VWA8: variants seen among roughly 807,000 people sequenced by gnomAD.
The protein encoded by VWA8 is von Willebrand factor A domain containing 8.
VWA8 carries 221 observed loss-of-function variants against 241.5 expected under a neutral mutation model. The observed-to-expected ratio is 0.91, with a 90% CI of 0.82 to 1.02. The LOEUF (loss-of-function observed/expected upper bound fraction) is 1.02. Among genes scored for constraint, VWA8 ranks in the 50% least tolerant of loss-of-function variants. VWA8 has a pLI of 0.00. For synonymous variants in VWA8, 852 were observed against 827.1 expected, an observed-to-expected ratio of 1.03 and a Z score of -0.52; for missense variants, 2,322 against 2,328.7, an observed-to-expected ratio of 1.00 and a Z score of 0.06.
intron 21 of VWA8, among the ~76,000 whole-genome samples, chr13:41,739,839 G>GTTTTTTTTTTTTTTTTTTTT (rs1417524214): frequency 4.6e-5 from 2 of 43,586 alleles, no homozygotes; most frequent in East Asian, 7.4e-4. Flanking sequence ...TTTTTTTTTT[G>GTTTTTTTTTTTTTTTTTTTT]TTTTTTTTGT....
chr13:41,784,695 T>C (rs1566456152), intron 18 of VWA8, among the ~76,000 whole-genome samples: 2 of 57,536 alleles, frequency 3.5e-5, no homozygotes, highest in African/African-American at 6.1e-5. Flanking sequence ...CATATACATA[T>C]ACATATATAT....
intron 17 of VWA8, among the ~76,000 whole-genome samples, chr13:41,797,452 A>G (rs1190842865): frequency 1.3e-5 from 2 of 152,320 alleles, no homozygotes; most frequent in East Asian, 3.9e-4. Context: ...AGTCCATTAT[A>G]TCAAGTTTGT....
chr13:41,724,869 C>T (rs1025051414), intron 24 of VWA8, among the ~76,000 whole-genome samples: 6 of 151,854 alleles, frequency 4.0e-5, no homozygotes, highest in Admixed American at 2.0e-4. Flanking sequence ...GTTGGAGCTG[C>T]GAGGAGAGAG....
intron 34 of VWA8, among the ~76,000 whole-genome samples, chr13:41,688,034 AT>A (rs1030603261): frequency 1.1e-4 from 16 of 149,984 alleles, no homozygotes; most frequent in Admixed American, 2.7e-4. Context: ...AAAAGTCCCA[AT>A]TTTTTTTTTA....
At chr13:41,752,326 G>C (rs1045128684) in intron 21 of VWA8, among the ~76,000 whole-genome samples, 7 of 152,086 alleles carry the variant, frequency 4.6e-5, no homozygotes, top group African/African-American at 1.7e-4. Flanking sequence ...TCACAGACAT[G>C]TATTCTGAGA....
chr13:41,657,881 A>AG (rs2044920401), intron 37 of VWA8, among the ~76,000 whole-genome samples: 1 of 152,270 alleles, frequency 6.6e-6, no homozygotes, highest in African/African-American at 2.4e-5. Flanking sequence ...GTCATGAGTC[A>AG]GGATTAGAAT....
intron 4 of VWA8, among the ~76,000 whole-genome samples, chr13:41,897,768 C>T (rs1020745694): frequency 2.0e-5 from 3 of 151,974 alleles, no homozygotes; most frequent in African/African-American, 7.3e-5. Flanking sequence ...CAGTGTGGAC[C>T]CAAATAGTGG....
intron 43 of VWA8, among the ~76,000 whole-genome samples, chr13:41,571,298 CTCCCT>C (rs2044300554): frequency 6.8e-6 from 1 of 146,168 alleles, no homozygotes; most frequent in Admixed American, 6.8e-5. Flanking sequence ...CCTCTCCCGT[CTCCCT>C]CTCCCTCCTC....
chr13:41,705,750 C>T (rs189605482), intron 26 of VWA8, among the ~76,000 whole-genome samples: 28 of 152,212 alleles, frequency 1.8e-4, no homozygotes, highest in Non-Finnish European at 2.6e-4. Flanking sequence ...AAGTTCCTTA[C>T]AGCTTGGGGA....
At position 41,567,098 on chromosome 13, in the gene VWA8, T is replaced by C. The variant is rs182091067; in HGVS notation, c.*1099A>G. ...CGTGAAGAGGAGTTTTTAAATTATA[T>C]GGTTAAAGAGAGAATGACTTTTGCT... On this transcript the variant is annotated 3_prime_UTR_variant, in exon 45 of 45. Transcript: ENST00000379310. 1 of 152,140 alleles carries C rather than the reference T, an allele frequency of 6.6e-6. No individual in the cohort carries two copies. Among genetic ancestry groups the C allele is most frequent in the African/African-American group, 2.4e-5 (1 of 41,428 alleles). 9.4% of individuals were successfully genotyped at this position (152,140 alleles called of 1,614,324 possible).
chr13:41,759,013 T>G (rs937182254), intron 21 of VWA8, among the ~76,000 whole-genome samples: 4 of 151,566 alleles, frequency 2.6e-5, no homozygotes, highest in Non-Finnish European at 1.5e-5. Context: ...AAAACCTCCT[T>G]GGTTATGACA....
At chr13:41,723,625 G>T (rs1373990150) in intron 24 of VWA8, among the ~76,000 whole-genome samples, 1 of 152,140 alleles carries the variant, frequency 6.6e-6, no homozygotes, top group East Asian at 1.9e-4. Flanking sequence ...CAATAAGATT[G>T]CAGGATATTT....
intron 13 of VWA8, 115 bp from the exon 14 acceptor site, chr13:41,830,757 A>G: frequency 1.2e-6 from 1 of 815,646 alleles, no homozygotes; most frequent in Non-Finnish European, 1.9e-6. Context: ...GAGTCTAATA[A>G]TTTTGTTAGA....
At chr13:41,771,617 C>T (rs1353197326) in intron 20 of VWA8, among the ~76,000 whole-genome samples, 1 of 152,104 alleles carries the variant, frequency 6.6e-6, no homozygotes, top group Non-Finnish European at 1.5e-5. Context: ...CTTGCTCTGT[C>T]ACCCAGGCTG....
intron 17 of VWA8, among the ~76,000 whole-genome samples, chr13:41,809,608 T>C (rs182986030): frequency 2.5e-4 from 38 of 152,242 alleles, no homozygotes; most frequent in Middle Eastern, 3.4e-3. Flanking sequence ...CAAATCAAAA[T>C]GGATTAAGAA....
chr13:41,698,368 T>G (rs1012027054), intron 29 of VWA8, among the ~76,000 whole-genome samples: 3 of 152,076 alleles, frequency 2.0e-5, no homozygotes, highest in Non-Finnish European at 4.4e-5. Context: ...ACTTAGACCT[T>G]TAGAATGATC....
intron 26 of VWA8, among the ~76,000 whole-genome samples, chr13:41,707,203 A>G (rs1166015478): frequency 6.6e-6 from 1 of 152,240 alleles, no homozygotes; most frequent in Non-Finnish European, 1.5e-5. Flanking sequence ...ACCAAAGCCA[A>G]GTACTATATA....
At position 41,840,756 on chromosome 13, in the gene VWA8, C is replaced by CA. The variant is rs35181218; in HGVS notation, c.1426-7226dup. Among the ~76,000 whole-genome samples, 376 of 107,518 alleles carry CA rather than the reference C, an allele frequency of 3.5e-3. 2 individuals are homozygous for CA. Among genetic ancestry groups the CA allele is most frequent in the Middle Eastern group, 0.011 (2 of 190 alleles). 70.5% of individuals were successfully genotyped at this position (107,518 alleles called of 152,430 possible). ...CCTGGGTGACAAAGTGAGACCGTCT[C>CA]AAAAAAAAAAAAAAGGTACATAAGT... is the stretch of plus-strand genomic sequence containing the variant. On this transcript the variant is annotated intron_variant, in intron 12 of 44. Coordinates refer to ENST00000379310, the MANE Select transcript of VWA8 (RefSeq NM_015058.2).
At chr13:41,740,576 G>A (rs532915538) in intron 21 of VWA8, among the ~76,000 whole-genome samples, 4 of 152,184 alleles carry the variant, frequency 2.6e-5, no homozygotes, top group South Asian at 2.1e-4. Flanking sequence ...AAATGCAATC[G>A]GTTTTTTTAC....
Sources: allele counts gnomAD v4.1 joint callset (sites outside exome capture counted in the v4.1 genomes callset), GRCh38; gene constraint gnomAD v4.1.1; transcripts MANE v1.5; gene names NCBI Gene and HGNC (gene_info 2026-07-23, HGNC 2026-07-21).